The following RERG variants were observed in gnomAD, a reference collection of about 807,000 sequenced individuals.
RERG encodes the protein RAS like estrogen regulated growth inhibitor.
A neutral mutation model predicts 23.2 loss-of-function variants in RERG; 25 were observed. That is an observed-to-expected ratio of 1.08 (90% CI 0.79 to 1.50). RERG has a LOEUF of 1.50. Among genes scored for constraint, RERG ranks in the 40% most tolerant of loss-of-function variants. The pLI is 0.00. For missense variants in RERG, 253 were observed against 250.1 expected (o/e 1.01, Z -0.08); for synonymous variants, 81 against 89.1 (o/e 0.91, Z 0.51).
intron 2 of RERG, among the ~76,000 whole-genome samples, chr12:15,132,972 T>G (rs1038800991): frequency 1.5e-5 from 2 of 134,088 alleles, no homozygotes; most frequent in African/African-American, 5.5e-5. Context: ...CTCCCTGCCC[T>G]CCCTGCCCCC....
At chr12:15,126,149 A>G (rs541021575) in intron 2 of RERG, among the ~76,000 whole-genome samples, 2 of 141,828 alleles carry the variant, frequency 1.4e-5, no homozygotes, top group Non-Finnish European at 3.1e-5. Flanking sequence ...ATATATATAT[A>G]TATGTATTTA....
chr12:15,145,454 G>A (rs1307757150), intron 2 of RERG, among the ~76,000 whole-genome samples: 2 of 152,224 alleles, frequency 1.3e-5, no homozygotes, highest in Non-Finnish European at 2.9e-5. Context: ...ACCACTCATG[G>A]GATGGCCAGG....
chr12:15,114,773 C>G (rs568365632), intron 3 of RERG: 1 of 152,126 alleles, frequency 6.6e-6, no homozygotes, highest in African/African-American at 2.4e-5. Flanking sequence ...AAGTGTAGTG[C>G]CTGAACCAGT....
intron 2 of RERG, among the ~76,000 whole-genome samples, chr12:15,136,416 TTTC>T (rs542905214): frequency 2.8e-4 from 42 of 152,124 alleles, no homozygotes; most frequent in African/African-American, 1.0e-3. Flanking sequence ...GTTTTTATTA[TTTC>T]TTATCTTCTG....
chr12:15,126,126 A>G (rs1468211734), intron 2 of RERG, among the ~76,000 whole-genome samples: 1 of 38,292 alleles, frequency 2.6e-5, no homozygotes, highest in African/African-American at 1.0e-4. Flanking sequence ...TGTTGTATAT[A>G]CCATATATAT....
intron 2 of RERG, among the ~76,000 whole-genome samples, chr12:15,133,146 G>GATAT (rs376565973): frequency 0.072 from 8,958 of 124,930 alleles, 342 homozygotes; most frequent in East Asian, 0.11. Context: ...ATCCTGTGGA[G>GATAT]ATATATATAT....
At chr12:15,217,725 C>T in intron 1 of RERG, 122 bp from the exon 2 acceptor site, 1 of 470,316 alleles carries the variant, frequency 2.1e-6, no homozygotes, top group Non-Finnish European at 3.8e-6. Context: ...ATCTTTACCA[C>T]TATCCTGTGA....
chr12:15,127,376 T>C (rs749614627), intron 2 of RERG, among the ~76,000 whole-genome samples: 2 of 152,226 alleles, frequency 1.3e-5, no homozygotes, highest in East Asian at 1.9e-4. Flanking sequence ...TGTACTCTAG[T>C]ATGTTTTTGT....
intron 2 of RERG, among the ~76,000 whole-genome samples, chr12:15,200,140 T>A (rs1865196480): frequency 6.6e-6 from 1 of 152,116 alleles, no homozygotes; most frequent in African/African-American, 2.4e-5. Context: ...ACTATGGCAA[T>A]GCTACATTGC....
intron 2 of RERG, among the ~76,000 whole-genome samples, chr12:15,151,024 G>A (rs1322637089): frequency 2.0e-5 from 3 of 152,202 alleles, no homozygotes; most frequent in African/African-American, 7.2e-5. Flanking sequence ...AAAACAGCTT[G>A]TGGAAACTTA....
At chr12:15,110,545 C>T (rs1863593738) in intron 4 of RERG, among the ~76,000 whole-genome samples, 1 of 128,612 alleles carries the variant, frequency 7.8e-6, no homozygotes, top group Non-Finnish European at 1.5e-5. Flanking sequence ...GTGGCGCGAT[C>T]TTGGCTCGCT....
chr12:15,127,153 A>T (rs1037309195), intron 2 of RERG, among the ~76,000 whole-genome samples: 1 of 152,178 alleles, frequency 6.6e-6, no homozygotes, highest in African/African-American at 2.4e-5. Context: ...TATAATGTGT[A>T]CAATTACCTT....
At chr12:15,191,821 T>C (rs1226823932) in intron 2 of RERG, among the ~76,000 whole-genome samples, 1 of 152,204 alleles carries the variant, frequency 6.6e-6, no homozygotes, top group Non-Finnish European at 1.5e-5. Flanking sequence ...GTTGCTTCTA[T>C]ACGTTCTCAT....
intron 2 of RERG, among the ~76,000 whole-genome samples, chr12:15,205,028 G>C (rs1865264685): frequency 6.6e-6 from 1 of 151,806 alleles, no homozygotes; most frequent in African/African-American, 2.4e-5. Flanking sequence ...TCATCATTGA[G>C]GGGAATTAGG....
At chr12:15,126,138 T>C (rs1301113992) in intron 2 of RERG, among the ~76,000 whole-genome samples, 1 of 140,288 alleles carries the variant, frequency 7.1e-6, no homozygotes, top group African/African-American at 2.6e-5. Context: ...CATATATATA[T>C]ATATATATAT....
At chr12:15,179,772 A>G (rs1439797884) in intron 2 of RERG, among the ~76,000 whole-genome samples, 3 of 151,502 alleles carry the variant, frequency 2.0e-5, no homozygotes, top group Admixed American at 6.6e-5. Context: ...ATCAACAGAG[A>G]AAAAAAAAGG....
At chr12:15,175,699 G>C (rs1208987192) in intron 2 of RERG, among the ~76,000 whole-genome samples, 1 of 152,088 alleles carries the variant, frequency 6.6e-6, no homozygotes, top group Non-Finnish European at 1.5e-5. Flanking sequence ...CCTGGGGATA[G>C]GGCTTTTCCT....
intron 3 of RERG, among the ~76,000 whole-genome samples, chr12:15,116,303 C>T (rs1863720750): frequency 6.6e-6 from 1 of 152,206 alleles, no homozygotes; most frequent in Admixed American, 6.5e-5. Flanking sequence ...AAAAGACTGG[C>T]ATCAGCCCCA....
chr12:15,148,184 A>C (rs1426221278), intron 2 of RERG, among the ~76,000 whole-genome samples: 1 of 152,208 alleles, frequency 6.6e-6, no homozygotes, highest in South Asian at 2.1e-4. Context: ...CCAGAGAGAG[A>C]AAACATCCAA....
Sources: gnomAD v4.1 joint callset for allele counts (sites outside exome capture counted in the v4.1 genomes callset) on GRCh38, gnomAD v4.1.1 for gene constraint, MANE v1.5 for transcripts, NCBI Gene and HGNC (gene_info 2026-07-23, HGNC 2026-07-21) for gene names.